ADARB2: variants seen among roughly 807,000 people sequenced by gnomAD.
ADARB2 encodes the protein adenosine deaminase RNA specific B2 (inactive).
Under a neutral mutation model 62.2 loss-of-function variants are expected in ADARB2, and 25 were observed. The ratio of observed to expected loss-of-function variants is 0.40; its 90% confidence interval spans 0.29 to 0.56. ADARB2 has a LOEUF of 0.56. Ranked by LOEUF, ADARB2 falls within the 20% of genes least tolerant of loss-of-function variation. The pLI is 0.43. For synonymous variants in ADARB2, 572 were observed against 500.8 expected, an observed-to-expected ratio of 1.14 and a Z score of -1.90; for missense variants, 1,071 against 1,077.4, an observed-to-expected ratio of 0.99 and a Z score of 0.08.
rs972610574 is a variant in ADARB2, at chr10:1,247,976, C to G, written c.1193-5677G>C. Among the ~76,000 whole-genome samples, 3 of 152,180 alleles carry G rather than the reference C, an allele frequency of 2.0e-5. No individual in the cohort carries two copies. The East Asian group carries it at 5.8e-4, about 29-fold the overall frequency. ...GGATGGGGGTGAGGCCATGCCAAGC[C>G]GTATGGACACCAAAAATGCTCTGCA... On this transcript the variant is annotated intron_variant, in intron 4 of 9. Coordinates refer to ENST00000381312, the MANE Select transcript of ADARB2 (RefSeq NM_018702.4).
chr10:1,475,898 G>A (rs1007519431), intron 1 of ADARB2, among the ~76,000 whole-genome samples: 2 of 152,146 alleles, frequency 1.3e-5, no homozygotes, highest in African/African-American at 4.8e-5. Context: ...AGGCCACAGA[G>A]GATGGTTTCT....
At chr10:1,437,760 C>G (rs939316730) in intron 1 of ADARB2, among the ~76,000 whole-genome samples, 3 of 152,150 alleles carry the variant, frequency 2.0e-5, no homozygotes, top group African/African-American at 7.2e-5. Context: ...GCATTTCAGG[C>G]TGGAGCGAAG....
intron 1 of ADARB2, among the ~76,000 whole-genome samples, chr10:1,611,694 C>CT (rs72088108): frequency 0.74 from 112,155 of 151,906 alleles, 41,542 homozygotes; most frequent in African/African-American, 0.81. Flanking sequence ...ACATTTTTGC[C>CT]TTGTTGTAAT....
At chr10:1,730,469 C>G (rs1035131489) in intron 1 of ADARB2, among the ~76,000 whole-genome samples, 14 of 152,192 alleles carry the variant, frequency 9.2e-5, no homozygotes, top group African/African-American at 3.1e-4. Context: ...GTTACACAAA[C>G]ACGAGGGTCC....
At chr10:1,471,129 C>A (rs541146205) in intron 1 of ADARB2, among the ~76,000 whole-genome samples, 1 of 152,282 alleles carries the variant, frequency 6.6e-6, no homozygotes. Flanking sequence ...GGAATGATCC[C>A]ACAGGGGTGG....
chr10:1,400,253 C>T (rs1394930233), intron 1 of ADARB2, among the ~76,000 whole-genome samples: 3 of 152,222 alleles, frequency 2.0e-5, no homozygotes, highest in Non-Finnish European at 4.4e-5. Context: ...GCCAATTCCA[C>T]CGCAGGGCTG....
intron 1 of ADARB2, among the ~76,000 whole-genome samples, chr10:1,386,966 T>C (rs1302976223): frequency 6.6e-6 from 1 of 151,918 alleles, no homozygotes; most frequent in African/African-American, 2.4e-5. Context: ...CAAAAAGATA[T>C]ATGGAAAATC....
At chr10:1,539,372 T>G (rs1016322589) in intron 1 of ADARB2, among the ~76,000 whole-genome samples, 2 of 152,208 alleles carry the variant, frequency 1.3e-5, no homozygotes, top group Non-Finnish European at 2.9e-5. Flanking sequence ...TGCCATTTTC[T>G]CCATGCCATG....
chr10:1,211,864 G>C (rs959447539), intron 7 of ADARB2, among the ~76,000 whole-genome samples: 4 of 152,194 alleles, frequency 2.6e-5, no homozygotes, highest in African/African-American at 7.2e-5. Context: ...TTGAGTACCT[G>C]TTACCTTTGT....
chr10:1,538,218 C>T (rs1189457475), intron 1 of ADARB2, among the ~76,000 whole-genome samples: 1 of 152,212 alleles, frequency 6.6e-6, no homozygotes, highest in Non-Finnish European at 1.5e-5. Context: ...CTGGCAGTCT[C>T]TCCAGTGCCT....
chr10:1,718,831 T>C (rs1308761363), intron 1 of ADARB2, among the ~76,000 whole-genome samples: 1 of 152,200 alleles, frequency 6.6e-6, no homozygotes, highest in Non-Finnish European at 1.5e-5. Flanking sequence ...TCCCTGAGCC[T>C]CTCGGCAAGA....
chr10:1,521,989 A>T (rs1434437631), intron 1 of ADARB2, among the ~76,000 whole-genome samples: 1 of 152,178 alleles, frequency 6.6e-6, no homozygotes, highest in African/African-American at 2.4e-5. Context: ...GCTCGGAATA[A>T]ATCTCTTCAA....
chr10:1,557,168 C>T (rs1459594323), intron 1 of ADARB2, among the ~76,000 whole-genome samples: 2 of 151,980 alleles, frequency 1.3e-5, no homozygotes, highest in African/African-American at 2.4e-5. Context: ...CATGTCCAGT[C>T]GACTGTGCTC....
At chr10:1,717,892 A>T (rs993011129) in intron 1 of ADARB2, among the ~76,000 whole-genome samples, 1 of 152,122 alleles carries the variant, frequency 6.6e-6, no homozygotes, top group African/African-American at 2.4e-5. Flanking sequence ...GTCTTTCAAT[A>T]TGTATGGCTA....
intron 3 of ADARB2, among the ~76,000 whole-genome samples, chr10:1,328,002 C>A (rs1014328887): frequency 6.6e-6 from 1 of 151,148 alleles, no homozygotes; most frequent in Admixed American, 6.6e-5. Flanking sequence ...CACAGCAAGG[C>A]GCCTCCGCAT....
At chr10:1,371,564 T>C (rs1832372156) in intron 2 of ADARB2, among the ~76,000 whole-genome samples, 2 of 152,130 alleles carry the variant, frequency 1.3e-5, no homozygotes, top group Admixed American at 1.3e-4. Context: ...GACAAACGGC[T>C]AATATCCGGA....
chr10:1,264,553 T>A (rs1451706061), intron 4 of ADARB2, among the ~76,000 whole-genome samples: 1 of 152,230 alleles, frequency 6.6e-6, no homozygotes. Flanking sequence ...CAATTCTTTA[T>A]TCAAGCCGAA....
intron 1 of ADARB2, among the ~76,000 whole-genome samples, chr10:1,581,826 A>ATGTGTGTGTGTG (rs56180704): frequency 1.0e-4 from 15 of 148,392 alleles, no homozygotes; most frequent in African/African-American, 2.8e-4. Context: ...TTAGAAATAG[A>ATGTGTGTGTGTG]TGTGTGTGTG....
intron 3 of ADARB2, among the ~76,000 whole-genome samples, chr10:1,356,367 C>T (rs189350149): frequency 1.6e-3 from 246 of 152,338 alleles, no homozygotes; most frequent in African/African-American, 5.8e-3. Flanking sequence ...ACACAGGCAG[C>T]CAGCTGGGGT....
Sources: gnomAD v4.1 joint callset for allele counts (sites outside exome capture counted in the v4.1 genomes callset) on GRCh38, gnomAD v4.1.1 for gene constraint, MANE v1.5 for transcripts, NCBI Gene and HGNC (gene_info 2026-07-23, HGNC 2026-07-21) for gene names.